The following NUBPL variants were observed in gnomAD, a reference collection of about 807,000 sequenced individuals.
The protein encoded by NUBPL is NUBP iron-sulfur cluster assembly factor, mitochondrial, also known as iron-sulfur cluster transfer protein NUBPL.
Under a neutral mutation model 45.7 loss-of-function variants are expected in NUBPL, and 31 were observed. The observed-to-expected ratio is 0.68, with a 90% confidence interval of 0.51 to 0.92. The LOEUF is 0.92. Among genes scored for constraint, NUBPL ranks in the 40% least tolerant of loss-of-function variants. The pLI, the probability that NUBPL is intolerant of heterozygous loss-of-function variation, is 0.00. For synonymous variants in NUBPL, 144 were observed against 140.9 expected (o/e 1.02, Z -0.15); for missense variants, 401 against 398.7 (o/e 1.01, Z -0.05).
chr14:31,564,179 A>T (rs1185718639), intron 2 of NUBPL, among the ~76,000 whole-genome samples: 1 of 152,156 alleles, frequency 6.6e-6, no homozygotes, highest in Non-Finnish European at 1.5e-5. Flanking sequence ...CTCTTCTCGG[A>T]TGTAGCATAT....
At chr14:31,750,282 C>A (rs2038494471) in intron 6 of NUBPL, among the ~76,000 whole-genome samples, 1 of 150,510 alleles carries the variant, frequency 6.6e-6, no homozygotes, top group South Asian at 2.1e-4. Flanking sequence ...TCACGCCATT[C>A]TCCTGCCTCA....
chr14:31,800,303 T>G (rs1192240457), intron 7 of NUBPL, among the ~76,000 whole-genome samples: 2 of 152,172 alleles, frequency 1.3e-5, no homozygotes, highest in Non-Finnish European at 2.9e-5. Context: ...TGCCCATGAA[T>G]CACAAATGTT....
chr14:31,629,483 A>T lies in NUBPL; in HGVS notation c.382+30104A>T, dbSNP rs181495987. On this transcript the variant is annotated intron_variant, in intron 4 of 10. Transcript: ENST00000281081. ...ATTTTTGTAAAACTTCTATTTTTAC[A>T]AAAATGTACCAAGTGATAATTAACT... Among the ~76,000 whole-genome samples, 16 of 152,352 alleles carry T rather than the reference A, an allele frequency of 1.1e-4. No individual in the cohort carries two copies. The East Asian group carries it at 2.1e-3, about 20-fold the overall frequency.
At chr14:31,764,977 C>T (rs1279337227) in intron 6 of NUBPL, among the ~76,000 whole-genome samples, 4 of 152,166 alleles carry the variant, frequency 2.6e-5, no homozygotes, top group Non-Finnish European at 5.9e-5. Context: ...TTCTCAAAAT[C>T]TTTTGTGTTA....
Position 31,826,032 on chromosome 14 carries a change from A to G in NUBPL, c.608-597A>G, listed in dbSNP as rs571226692. Among the ~76,000 whole-genome samples the G allele has an allele frequency of 1.8e-3, 276 of 152,166 alleles. 3 individuals are homozygous for G. The South Asian group carries it at 0.018, about 10-fold the overall frequency. On this transcript the variant is annotated intron_variant, in intron 7 of 10. Coordinates refer to ENST00000281081, the MANE Select transcript of NUBPL (RefSeq NM_025152.3). ...AGTAAAGCCTAGCTTGTGCATCTGTATAACTAGCACATTATCTGAATGAGA... is the reference window on the plus strand; with the variant it reads ...AGTAAAGCCTAGCTTGTGCATCTGTGTAACTAGCACATTATCTGAATGAGA...
intron 7 of NUBPL, among the ~76,000 whole-genome samples, chr14:31,792,571 G>A (rs542492604): frequency 6.6e-6 from 1 of 152,050 alleles, no homozygotes; most frequent in Non-Finnish European, 1.5e-5. Flanking sequence ...CATTCATGTT[G>A]TGGTTATTAA....
At chr14:31,707,906 A>G (rs1054979951) in intron 6 of NUBPL, among the ~76,000 whole-genome samples, 7 of 152,158 alleles carry the variant, frequency 4.6e-5, no homozygotes, top group African/African-American at 1.7e-4. Context: ...GACCAAACAG[A>G]TGAGGGCTAT....
At chr14:31,857,242 T>C (rs1029217824) in intron 10 of NUBPL, among the ~76,000 whole-genome samples, 3 of 152,114 alleles carry the variant, frequency 2.0e-5, no homozygotes, top group African/African-American at 7.2e-5. Flanking sequence ...ATTGGCCCCT[T>C]TCAGCCATGG....
Position 31,640,482 on chromosome 14 carries a change from G to T in NUBPL, c.383-32873G>T, listed in dbSNP as rs115661278. 6.5e-3 allele frequency among the ~76,000 whole-genome samples: 987 copies of T among 151,984 alleles called. 11 individuals carry two copies. The highest frequency in any genetic ancestry group is 0.022 in the African/African-American group (924 of 41,468). ...AAAATACAAAAATTAGGGCATGGTG[G>T]TGAATACCTGTAATCCCAGCTACTC... On this transcript the variant is annotated intron_variant, in intron 4 of 10. Transcript: ENST00000281081.
intron 2 of NUBPL, 76 bp downstream of exon 2, chr14:31,562,291 T>C: frequency 7.3e-7 from 1 of 1,371,334 alleles, no homozygotes; most frequent in Non-Finnish European, 1.0e-6. Context: ...GAAATTATAG[T>C]TTTGTGTTTT....
intron 6 of NUBPL, among the ~76,000 whole-genome samples, chr14:31,746,221 C>T (rs1233559241): frequency 6.6e-6 from 1 of 151,970 alleles, no homozygotes; most frequent in Non-Finnish European, 1.5e-5. Flanking sequence ...ACTTCCAGTA[C>T]TGTGTGGAAT....
chr14:31,764,847 T>G (rs2138740844), intron 6 of NUBPL, among the ~76,000 whole-genome samples: 1 of 152,346 alleles, frequency 6.6e-6, no homozygotes, highest in East Asian at 1.9e-4. Flanking sequence ...AGTGCTGAAG[T>G]TGATAACATG....
At chr14:31,858,679 A>T (rs1191971320) in intron 10 of NUBPL, among the ~76,000 whole-genome samples, 1 of 152,188 alleles carries the variant, frequency 6.6e-6, no homozygotes, top group Non-Finnish European at 1.5e-5. Context: ...GAGATGAAGA[A>T]AATGCTTTCC....
chr14:31,762,918 G>C (rs2038843278), intron 6 of NUBPL, among the ~76,000 whole-genome samples: 1 of 152,178 alleles, frequency 6.6e-6, no homozygotes, highest in South Asian at 2.1e-4. Flanking sequence ...ACAAGCCTGA[G>C]ATTGCTGATT....
At chr14:31,608,816 G>GGCCACTGTGTAACACAGGCCTGC (rs2034673876) in intron 4 of NUBPL, among the ~76,000 whole-genome samples, 1 of 152,140 alleles carries the variant, frequency 6.6e-6, no homozygotes, top group Non-Finnish European at 1.5e-5. Context: ...GTGTGGCCCA[G>GGCCACTGTGTAACACAGGCCTGC]TTTCTAACAG....
chr14:31,858,958 G>A (rs3742923), intron 10 of NUBPL, among the ~76,000 whole-genome samples, 160 bp from the exon 11 acceptor site: 1 of 151,906 alleles, frequency 6.6e-6, no homozygotes, highest in African/African-American at 2.4e-5. Context: ...TCCTTGTGCC[G>A]CCTGCAATAT....
chr14:31,643,563 G>A (rs2035764240), intron 4 of NUBPL, among the ~76,000 whole-genome samples: 1 of 152,110 alleles, frequency 6.6e-6, no homozygotes. Flanking sequence ...CTATTTTGTT[G>A]AGGATTTTTG....
rs138688678 is a variant in NUBPL at position 31,800,456 on chromosome 14, C to T, written c.607+12583C>T. ...CACAGATCACCATAACAGATATAAC[C>T]TTAATGAAAAAGTTTGAAATATTGC... is the stretch of plus-strand genomic sequence containing the variant. On this transcript the variant is annotated intron_variant, in intron 7 of 10. Transcript: ENST00000281081. Among the ~76,000 whole-genome samples, 2 of 152,232 alleles carry T rather than the reference C, an allele frequency of 1.3e-5. 1 individual carries two copies. Among genetic ancestry groups the T allele is most frequent in the African/African-American group, 4.8e-5 (2 of 41,550 alleles).
Position 31,676,211 on chromosome 14 carries a change from C to T in NUBPL, c.513+2637C>T, listed in dbSNP as rs146144939. ...GCTAATTTTGTATTTTTAGTAGGGACGGGGTTTCTCCATGTTGGTTAGGCT... is the reference window on the plus strand; with the variant it reads ...GCTAATTTTGTATTTTTAGTAGGGATGGGGTTTCTCCATGTTGGTTAGGCT... On this transcript the variant is annotated intron_variant, in intron 6 of 10. Coordinates refer to ENST00000281081, the MANE Select transcript of NUBPL (RefSeq NM_025152.3). Among the ~76,000 whole-genome samples the T allele has an allele frequency of 1.2e-3, 175 of 151,994 alleles. 1 individual carries two copies. In the East Asian group the frequency reaches 0.015, roughly 13 times the overall value.
Sources: allele counts gnomAD v4.1 joint callset (sites outside exome capture counted in the v4.1 genomes callset), GRCh38; gene constraint gnomAD v4.1.1; transcripts MANE v1.5; gene names NCBI Gene and HGNC (gene_info 2026-07-23, HGNC 2026-07-21).